The following ITIH5 variants were observed in gnomAD, a reference collection of about 807,000 sequenced individuals.
ITIH5 encodes inter-alpha-trypsin inhibitor heavy chain 5.
Under a neutral mutation model 77.5 loss-of-function variants are expected in ITIH5, and 65 were observed. That is an observed-to-expected ratio of 0.84 (90% CI 0.69 to 1.03). The LOEUF is 1.03. Among genes scored for constraint, ITIH5 ranks in the 50% least tolerant of loss-of-function variants. ITIH5 has a pLI of 0.00. For synonymous variants in ITIH5, 525 were observed against 494.3 expected (o/e 1.06, Z -0.82); for missense variants, 1,208 against 1,213.1 (o/e 1.00, Z 0.06).
chr10:7,600,964 CGTT>C (rs1833002964), intron 7 of ITIH5, among the ~76,000 whole-genome samples: 1 of 152,152 alleles, frequency 6.6e-6, no homozygotes. Flanking sequence ...AAATAGATTT[CGTT>C]GTTTATAAGC....
chr10:7,563,198 C>G lies in ITIH5; in HGVS notation c.2714G>C (p.Trp905Ser). The change falls in exon 14 of 14, where the codon TGG (tryptophan) becomes TCG (serine). Residue 905 changes from tryptophan to serine, a missense_variant. Trp to Ser is a radical substitution (Grantham distance 177, BLOSUM62 -3). Transcript: ENST00000397146. Reference protein sequence around the residue: ...IYNGEEQIDCWFARNNAAKLI... With the variant: ...IYNGEEQIDCSFARNNAAKLI... The stretch of plus-strand genomic sequence containing the variant: ...TTTGGCGGCATTGTTCCTGGCAAAC[C>G]AGCAGTCTATCTGCTCTTCCCCGTT... The G allele has an allele frequency of 6.2e-7, 1 of 1,614,218 alleles. No individual in the cohort carries two copies. The highest frequency in any genetic ancestry group is 2.2e-5 in the East Asian group (1 of 44,892).
rs1564269038 is a variant in ITIH5 at position 7,628,829 on chromosome 10, G to GTGTCCCTGTTGTAGCA, written c.652+8398_652+8399insTGCTACAACAGGGACA. Among the ~76,000 whole-genome samples, 374 of 104,124 alleles carry GTGTCCCTGTTGTAGCA rather than the reference G, an allele frequency of 3.6e-3. 58 individuals carry two copies. The highest frequency in any genetic ancestry group is 5.2e-3 in the Non-Finnish European group (247 of 47,786). 68.3% of individuals were successfully genotyped at this position (104,124 alleles called of 152,430 possible). ...TTTTTGCATGTGTCCATGTTGTAGC[G>GTGTCCCTGTTGTAGCA]TGTGTCCCTGTTGTAGCGTGTGTCC... is the stretch of plus-strand genomic sequence containing the variant. On this transcript the variant is annotated intron_variant, in intron 5 of 13. Coordinates refer to ENST00000397146, the MANE Select transcript of ITIH5 (RefSeq NM_030569.7).
At chr10:7,578,501 T>G (rs1420138863) in intron 9 of ITIH5, 4 of 159,772 alleles carry the variant, frequency 2.5e-5, no homozygotes, top group African/African-American at 9.6e-5. Context: ...CCCCTTTGAC[T>G]CTAGTTTTGA....
intron 7 of ITIH5, among the ~76,000 whole-genome samples, chr10:7,611,736 C>G (rs1018626977): frequency 6.6e-6 from 1 of 151,896 alleles, no homozygotes; most frequent in African/African-American, 2.4e-5. Flanking sequence ...TTCCTGCATG[C>G]AATTTTCTAG....
intron 7 of ITIH5, among the ~76,000 whole-genome samples, chr10:7,602,631 G>A (rs1198840097): frequency 6.6e-6 from 1 of 152,142 alleles, no homozygotes; most frequent in African/African-American, 2.4e-5. Flanking sequence ...CCCAAGACAT[G>A]CGGAACTGAG....
chr10:7,613,245 C>CAAAA (rs58021308), intron 7 of ITIH5, among the ~76,000 whole-genome samples: 3 of 143,610 alleles, frequency 2.1e-5, no homozygotes, highest in African/African-American at 8.2e-5. Context: ...GACTTCGTCT[C>CAAAA]AAAAAAAAAA....
At chr10:7,633,074 C>G (rs1306846143) in intron 5 of ITIH5, among the ~76,000 whole-genome samples, 2 of 152,136 alleles carry the variant, frequency 1.3e-5, no homozygotes, top group Non-Finnish European at 2.9e-5. Context: ...ATCACACATC[C>G]CAGGCATGTT....
chr10:7,583,956 C>T (rs547577380), intron 8 of ITIH5, among the ~76,000 whole-genome samples: 1 of 152,312 alleles, frequency 6.6e-6, no homozygotes, highest in South Asian at 2.1e-4. Flanking sequence ...ATAATGGCCA[C>T]ATCTGATGCT....
At chr10:7,597,273 G>C (rs4747538) in intron 7 of ITIH5, among the ~76,000 whole-genome samples, 1 of 152,044 alleles carries the variant, frequency 6.6e-6, no homozygotes, top group African/African-American at 2.4e-5. Context: ...GCAGGTGTCT[G>C]TACTGTCCTT....
intron 13 of ITIH5, among the ~76,000 whole-genome samples, chr10:7,564,960 C>CATACAT (rs1832111605): frequency 7.4e-6 from 1 of 134,872 alleles, no homozygotes; most frequent in African/African-American, 3.0e-5. Context: ...AGACTGTATA[C>CATACAT]ATACATATAC....
At chr10:7,638,231 G>C (rs551822351) in intron 4 of ITIH5, among the ~76,000 whole-genome samples, 1 of 152,316 alleles carries the variant, frequency 6.6e-6, no homozygotes, top group South Asian at 2.1e-4. Flanking sequence ...CCACAAGATG[G>C]AAGGGAAAAG....
At chr10:7,572,239 G>A in intron 11 of ITIH5, 2 of 1,302,228 alleles carry the variant, frequency 1.5e-6, no homozygotes, top group Admixed American at 2.4e-5. Context: ...CAGCAGAAAG[G>A]CAACAATCAA....
chr10:7,604,571 G>A (rs1475263145), intron 7 of ITIH5, among the ~76,000 whole-genome samples: 1 of 152,194 alleles, frequency 6.6e-6, no homozygotes, highest in African/African-American at 2.4e-5. Context: ...GTTTGTATCA[G>A]GAAGGTTTTC....
At chr10:7,630,574 T>C (rs997808841) in intron 5 of ITIH5, among the ~76,000 whole-genome samples, 4 of 152,228 alleles carry the variant, frequency 2.6e-5, no homozygotes, top group Admixed American at 2.0e-4. Context: ...ACTAATTGTG[T>C]TGAGCACCTT....
At chr10:7,613,142 G>A (rs186306689) in intron 7 of ITIH5, among the ~76,000 whole-genome samples, 50 of 151,764 alleles carry the variant, frequency 3.3e-4, no homozygotes, top group Admixed American at 7.2e-4. Flanking sequence ...CTACTTGGGG[G>A]AACTGAGGCA....
At chr10:7,587,105 C>T (rs1332290026) in intron 7 of ITIH5, among the ~76,000 whole-genome samples, 1 of 152,098 alleles carries the variant, frequency 6.6e-6, no homozygotes, top group East Asian at 1.9e-4. Flanking sequence ...GCTAGGATTA[C>T]AGGCGTGAGC....
At chr10:7,652,150 T>C (rs1834111758) in intron 2 of ITIH5, among the ~76,000 whole-genome samples, 1 of 152,118 alleles carries the variant, frequency 6.6e-6, no homozygotes, top group African/African-American at 2.4e-5. Flanking sequence ...AGTAAATATT[T>C]TGTGTGTATG....
intron 5 of ITIH5, among the ~76,000 whole-genome samples, chr10:7,631,748 A>G (rs1174319717): frequency 6.6e-6 from 1 of 152,038 alleles, no homozygotes; most frequent in Non-Finnish European, 1.5e-5. Flanking sequence ...AAGTCAGAGT[A>G]ATCTGAAGGG....
rs76071648 is a variant in ITIH5 at position 7,561,876 on chromosome 10, T to C, written c.*1207A>G. The C allele has an allele frequency of 0.046, 6,935 of 152,284 alleles. 466 individuals are homozygous for C. Among genetic ancestry groups the C allele is most frequent in the African/African-American group, 0.15 (6,218 of 41,512 alleles). 9.4% of individuals were successfully genotyped at this position (152,284 alleles called of 1,614,324 possible). A position where few individuals can be genotyped will look rare whatever the true frequency, so the allele number is the denominator to read the frequency against. ...CCACTTCCCCGACCACAGTCTTTCT[T>C]TCTCTGCTGTTTCGCCCAAGCGCTC... On this transcript the variant is annotated 3_prime_UTR_variant, in exon 14 of 14. Transcript: ENST00000397146.
Sources: allele counts gnomAD v4.1 joint callset (sites outside exome capture counted in the v4.1 genomes callset), GRCh38; gene constraint gnomAD v4.1.1; transcripts MANE v1.5; gene names NCBI Gene and HGNC (gene_info 2026-07-23, HGNC 2026-07-21).